The following DGKB variants were observed in gnomAD, a reference collection of about 807,000 sequenced individuals.
The protein encoded by DGKB is diacylglycerol kinase beta.
In DGKB, 67 loss-of-function variants were observed where a neutral mutation model predicts 114.3. The ratio of observed to expected loss-of-function variants is 0.59; its 90% CI spans 0.48 to 0.72. The LOEUF is 0.72. DGKB is among the 30% of genes least tolerant of loss of function. The probability of loss-of-function intolerance (pLI) is 0.00; values close to 1 mark genes in which losing one functional copy is unlikely to be tolerated. For missense variants in DGKB, 907 were observed against 975.2 expected (o/e 0.93, Z 0.93); for synonymous variants, 398 against 323.1 (o/e 1.23, Z -2.49).
intron 1 of DGKB, among the ~76,000 whole-genome samples, chr7:14,964,010 T>C (rs1241664906): frequency 1.3e-5 from 2 of 152,072 alleles, no homozygotes; most frequent in Non-Finnish European, 2.9e-5. Context: ...CAGAAAAATT[T>C]GCAGTGGGAA....
intron 20 of DGKB, among the ~76,000 whole-genome samples, chr7:14,493,621 A>C (rs1784889147): frequency 6.6e-6 from 1 of 152,044 alleles, no homozygotes; most frequent in African/African-American, 2.4e-5. Flanking sequence ...AGCATATTCA[A>C]CGTGGATTCC....
At chr7:14,924,685 T>A (rs1784668481) in intron 1 of DGKB, among the ~76,000 whole-genome samples, 1 of 152,158 alleles carries the variant, frequency 6.6e-6, no homozygotes, top group Non-Finnish European at 1.5e-5. Context: ...ATTGTTTTGT[T>A]TCAATAGTAA....
At chr7:14,864,864 T>C (rs1240098905) in intron 1 of DGKB, among the ~76,000 whole-genome samples, 1 of 151,990 alleles carries the variant, frequency 6.6e-6, no homozygotes, top group Admixed American at 6.6e-5. Context: ...GATGGGTAAC[T>C]ATTTTTAAAA....
chr7:14,169,886 G>A (rs142271188), intron 25 of DGKB, among the ~76,000 whole-genome samples: 26 of 152,188 alleles, frequency 1.7e-4, no homozygotes, highest in African/African-American at 5.8e-4. Context: ...TGTAATCCCA[G>A]CACTTTGGGC....
intron 20 of DGKB, among the ~76,000 whole-genome samples, chr7:14,567,018 A>G (rs1379354969): frequency 2.8e-5 from 4 of 142,682 alleles, no homozygotes; most frequent in Non-Finnish European, 6.0e-5. Flanking sequence ...CTTTTTAAAA[A>G]TATCTCCTTG....
intron 2 of DGKB, among the ~76,000 whole-genome samples, chr7:14,773,139 TA>T (rs1351950113): frequency 6.6e-6 from 1 of 152,202 alleles, no homozygotes; most frequent in Non-Finnish European, 1.5e-5. Flanking sequence ...TCATTGTATA[TA>T]GAATGGATAT....
Position 14,580,452 on chromosome 7 carries a change from C to T in DGKB, c.1609+410G>A, listed in dbSNP as rs189418752. Among the ~76,000 whole-genome samples, 505 of 152,250 alleles carry T rather than the reference C, an allele frequency of 3.3e-3. 5 individuals are homozygous for T. Among genetic ancestry groups the T allele is most frequent in the Non-Finnish European group, 5.0e-3 (341 of 68,012 alleles). On this transcript the variant is annotated intron_variant, in intron 19 of 25. Coordinates refer to ENST00000402815, the MANE Select transcript of DGKB (RefSeq NM_001350709.2). Reference sequence around the variant, plus strand: ...AGTCTCAAAACTGAGTATTATTTAACGTATTCACTCCTGGGAAACTAATTC... The same window carrying T: ...AGTCTCAAAACTGAGTATTATTTAATGTATTCACTCCTGGGAAACTAATTC...
chr7:14,252,398 G>A (rs1256948471), intron 23 of DGKB, among the ~76,000 whole-genome samples: 1 of 152,048 alleles, frequency 6.6e-6, no homozygotes, highest in Non-Finnish European at 1.5e-5. Flanking sequence ...TGATTTTATG[G>A]CTTTGCTTGA....
rs182541018 is a variant in DGKB at position 14,746,516 on chromosome 7, G to C, written c.168+7412C>G. Among the ~76,000 whole-genome samples the C allele has an allele frequency of 3.6e-3, 543 of 151,960 alleles. 2 individuals are homozygous for C. Among genetic ancestry groups the C allele is most frequent in the African/African-American group, 0.012 (508 of 41,456 alleles). On this transcript the variant is annotated intron_variant, in intron 4 of 25. Coordinates refer to ENST00000402815, the MANE Select transcript of DGKB (RefSeq NM_001350709.2). ...AATTTTCCTTTTTTTATTTTTTTGA[G>C]ACAAAGTCTTGCTCTTCCCCACCCC...
intron 8 of DGKB, 21 bp from the exon 9 acceptor site, chr7:14,694,215 GA>G: frequency 6.5e-7 from 1 of 1,549,078 alleles, no homozygotes; most frequent in Non-Finnish European, 8.7e-7. Context: ...GGAGATAAGG[GA>G]AAATTGGTGG....
chr7:14,679,075 G>C (rs1204663047), intron 12 of DGKB, among the ~76,000 whole-genome samples: 1 of 151,880 alleles, frequency 6.6e-6, no homozygotes, highest in African/African-American at 2.4e-5. Flanking sequence ...CAGGATTCTG[G>C]ATGTTTTTTT....
chr7:14,309,175 C>T (rs909799991), intron 23 of DGKB, among the ~76,000 whole-genome samples: 2 of 152,024 alleles, frequency 1.3e-5, no homozygotes, highest in Non-Finnish European at 2.9e-5. Context: ...ATTATTGTGC[C>T]ACTGCACTCC....
At chr7:14,633,524 T>C (rs1006230544) in intron 13 of DGKB, among the ~76,000 whole-genome samples, 6 of 151,932 alleles carry the variant, frequency 3.9e-5, no homozygotes, top group African/African-American at 1.4e-4. Flanking sequence ...GAGCAAACCA[T>C]GGTACTTAGA....
At chr7:14,703,058 T>TAAGTG (rs1554608919) in intron 6 of DGKB, among the ~76,000 whole-genome samples, 44 of 152,098 alleles carry the variant, frequency 2.9e-4, no homozygotes, top group South Asian at 1.9e-3. Context: ...ATACAGTCAA[T>TAAGTG]AAATAAAATG....
Position 14,191,630 on chromosome 7 carries a change from GAA to G in DGKB, c.2123-13481_2123-13480del, listed in dbSNP as rs148634628. 9.0e-3 allele frequency: 2,499 copies of G among 279,192 alleles called. 63 individuals carry two copies. The highest frequency in any genetic ancestry group is 0.046 in the African/African-American group (2,052 of 44,234). The allele number at this position is 279,192 out of a possible 1,614,324, so 17.3% of individuals were successfully genotyped here. A position where few individuals can be genotyped will look rare whatever the true frequency, so the allele number is the denominator to read the frequency against. ...TGCTCCAGTCAATGTTACAACTGAA[GAA>G]AAGTCTGTTGAAATGCACCATGAGG... On this transcript the variant is annotated intron_variant, in intron 23 of 25. Coordinates refer to ENST00000402815, the MANE Select transcript of DGKB (RefSeq NM_001350709.2).
intron 2 of DGKB, among the ~76,000 whole-genome samples, chr7:14,819,329 G>A (rs1312180823): frequency 6.6e-6 from 1 of 152,118 alleles, no homozygotes; most frequent in Non-Finnish European, 1.5e-5. Flanking sequence ...GCTCACGACT[G>A]TAATCCCAGC....
chr7:14,497,542 A>T lies in DGKB; in HGVS notation c.1771-19317T>A, dbSNP rs565305883. Among the ~76,000 whole-genome samples the T allele has an allele frequency of 4.4e-4, 67 of 151,902 alleles. 2 individuals are homozygous for T. The highest frequency in any genetic ancestry group is 1.5e-3 in the African/African-American group (64 of 41,522). On this transcript the variant is annotated intron_variant, in intron 20 of 25. Transcript: ENST00000402815. ...GCTCTCCTAATGGTATTAAACAATC[A>T]TGTCCCTATATTCCTCAGTGTGCTT...
At chr7:14,892,864 A>ATGTGTGTGTGTG (rs10646592) in intron 1 of DGKB, among the ~76,000 whole-genome samples, 1 of 147,046 alleles carries the variant, frequency 6.8e-6, no homozygotes, top group East Asian at 2.0e-4. Flanking sequence ...ATATATATAT[A>ATGTGTGTGTGTG]TGTGTGTGTG....
intron 21 of DGKB, among the ~76,000 whole-genome samples, chr7:14,474,496 A>C (rs544370348): frequency 6.6e-6 from 1 of 152,186 alleles, no homozygotes; most frequent in African/African-American, 2.4e-5. Flanking sequence ...TCCATTTTGC[A>C]AGTTACTTGG....
Sources: gnomAD v4.1 joint callset for allele counts (sites outside exome capture counted in the v4.1 genomes callset) on GRCh38, gnomAD v4.1.1 for gene constraint, MANE v1.5 for transcripts, NCBI Gene and HGNC (gene_info 2026-07-23, HGNC 2026-07-21) for gene names.